Variants in CLCN5 observed in about 807,000 individuals in gnomAD.
The protein encoded by CLCN5 is Cl-/H+ antiporter 5.
A neutral mutation model predicts 54.0 loss-of-function variants in CLCN5; 17 were observed. That is an observed-to-expected ratio of 0.31 (90% CI 0.22 to 0.47). CLCN5 has a LOEUF of 0.47. Among genes scored for constraint, CLCN5 ranks in the 20% least tolerant of loss-of-function variants. CLCN5 has a pLI of 1.00. For synonymous variants in CLCN5, 222 were observed against 233.0 expected (o/e 0.95, Z 0.43); for missense variants, 448 against 646.7 (o/e 0.69, Z 3.33).
At chrX:49,980,101 A>G (rs1317429719) in intron 3 of CLCN5, among the ~76,000 whole-genome samples, 1 of 111,333 alleles carries the variant, frequency 9.0e-6, no homozygotes, top group African/African-American at 3.3e-5. Context: ...TATACCTATG[A>G]TTATTGGAAT....
intron 3 of CLCN5, among the ~76,000 whole-genome samples, chrX:50,002,993 A>C (rs1391663467): frequency 8.9e-6 from 1 of 111,996 alleles, no homozygotes; most frequent in Non-Finnish European, 1.9e-5. Context: ...AGAAGGAAGG[A>C]AAACAAATAT....
chrX:49,943,005 G>C (rs1414947000), intron 3 of CLCN5, among the ~76,000 whole-genome samples: 1 of 104,283 alleles, frequency 9.6e-6, no homozygotes, highest in Non-Finnish European at 2.0e-5. Context: ...GGTTGAACTA[G>C]TTTACAGTCC....
intron 4 of CLCN5, among the ~76,000 whole-genome samples, chrX:50,045,581 C>T (rs782160344): frequency 2.7e-5 from 3 of 112,463 alleles, no homozygotes; most frequent in Non-Finnish European, 5.6e-5. Context: ...ATGTATTATT[C>T]TCATTTCATA....
intron 4 of CLCN5, among the ~76,000 whole-genome samples, chrX:50,058,599 C>T (rs955437601): frequency 9.0e-6 from 1 of 110,932 alleles, no homozygotes; most frequent in African/African-American, 3.3e-5. Context: ...TCTTTAGATC[C>T]GAGTATAACC....
chrX:50,002,719 T>G (rs1428980915), intron 3 of CLCN5, among the ~76,000 whole-genome samples: 5 of 101,589 alleles, frequency 4.9e-5, no homozygotes, highest in Non-Finnish European at 8.0e-5. Context: ...GTGTGTGTGG[T>G]GTGTGTGTGG....
intron 3 of CLCN5, among the ~76,000 whole-genome samples, chrX:50,008,088 C>A (rs60346275): frequency 0.061 from 6,810 of 111,871 alleles, 551 homozygotes; most frequent in African/African-American, 0.21. Flanking sequence ...GTATATTACC[C>A]AGGTCTTCAG....
intron 4 of CLCN5, chrX:50,067,854 C>G (rs1933088748): frequency 3.0e-6 from 1 of 328,784 alleles, no homozygotes; most frequent in East Asian, 2.2e-4. Flanking sequence ...GGATTCTAAT[C>G]ACTGCCTGCT....
At chrX:49,989,477 T>C (rs781815318) in intron 3 of CLCN5, among the ~76,000 whole-genome samples, 1 of 112,345 alleles carries the variant, frequency 8.9e-6, no homozygotes, top group Non-Finnish European at 1.9e-5. Flanking sequence ...ATGAATCTTC[T>C]ATCCAAATAA....
chrX:50,085,921 A>G (rs900323887), intron 9 of CLCN5, 59 bp from the exon 10 acceptor site: 2 of 896,774 alleles, frequency 2.2e-6, no homozygotes, highest in Non-Finnish European at 3.3e-6. Flanking sequence ...TAAAAATGTG[A>G]TTGAGTGATT....
In CLCN5 at chrX:50,064,466, C is replaced by G. The variant is rs1372540257; in HGVS notation, c.164-5413C>G. Among the ~76,000 whole-genome samples the G allele has an allele frequency of 2.6e-4, 21 of 80,068 alleles. 1 individual carries two copies. The South Asian group carries it at 0.016, about 62-fold the overall frequency. The allele number at this position is 80,068 out of a possible 115,157, so 69.5% of individuals were successfully genotyped here. A position where few individuals can be genotyped will look rare whatever the true frequency, so the allele number is the denominator to read the frequency against. On this transcript the variant is annotated intron_variant, in intron 4 of 14. Coordinates refer to ENST00000376091, the MANE Select transcript of CLCN5 (RefSeq NM_001127898.4). The stretch of plus-strand genomic sequence containing the variant: ...TCCAACTTACAAGGGATGTGAAGGA[C>G]CTCTTCAAGGAGAACTACAAACCAC...
At chrX:49,924,698 ACT>A (rs1557167728) in intron 2 of CLCN5, among the ~76,000 whole-genome samples, 1 of 111,341 alleles carries the variant, frequency 9.0e-6, no homozygotes, top group East Asian at 2.8e-4. Context: ...GGGTATCATC[ACT>A]CTTCACTTTT....
At chrX:50,082,473 C>G (rs1933739333) in intron 9 of CLCN5, among the ~76,000 whole-genome samples, 1 of 109,800 alleles carries the variant, frequency 9.1e-6, no homozygotes, top group Admixed American at 9.8e-5. Context: ...CCACCAAACC[C>G]AGCTAATTTT....
intron 3 of CLCN5, among the ~76,000 whole-genome samples, chrX:49,980,676 G>C (rs1462716681): frequency 9.0e-6 from 1 of 111,554 alleles, no homozygotes. Context: ...TTCATCTAGA[G>C]CCAATAGAGT....
At chrX:50,008,524 G>C (rs1292807043) in intron 3 of CLCN5, 1 of 345,550 alleles carries the variant, frequency 2.9e-6, no homozygotes, top group East Asian at 7.9e-5. Flanking sequence ...CTTCATCTTC[G>C]TGTAGGACAG....
Position 49,954,871 on chromosome X carries a change from C to A in CLCN5, c.16+29557C>A, listed in dbSNP as rs782659385. Among the ~76,000 whole-genome samples, 67 of 111,774 alleles carry A rather than the reference C, an allele frequency of 6.0e-4. 1 individual carries two copies. The highest frequency in any genetic ancestry group is 2.8e-4 in the Admixed American group (3 of 10,557). ...CATTTCCTTTGGGATAAGATGAGAT[C>A]AAAAAACTAACTTTTCCCCCAAATG... On this transcript the variant is annotated intron_variant, in intron 3 of 14. Transcript: ENST00000376091.
rs1172378726 is a variant in CLCN5 at position 50,088,739 on chromosome X, T to G, written c.1599T>G (p.Ala533=). ...GLFIPSMAVG[A]IAGRLLGVGM... is the part of the protein sequence containing the mutation. The stretch of plus-strand genomic sequence containing the variant: ...TTATCCCTAGCATGGCTGTTGGTGC[T>G]ATAGCAGGTCGACTTCTAGGAGTAG... The change falls in exon 12 of 15, where the codon GCT becomes GCG. Residue 533 remains alanine, a synonymous_variant. Transcript: ENST00000376091. The G allele has an allele frequency of 6.6e-6, 8 of 1,210,199 alleles. No homozygotes were observed. In the Middle Eastern group the frequency reaches 9.1e-4, roughly 138 times the overall value.
intron 3 of CLCN5, among the ~76,000 whole-genome samples, chrX:49,993,599 A>T (rs1221052533): frequency 3.6e-5 from 4 of 112,579 alleles, no homozygotes; most frequent in African/African-American, 1.3e-4. Flanking sequence ...TAGCATTGTG[A>T]AGGAGGGTCT....
intron 3 of CLCN5, among the ~76,000 whole-genome samples, chrX:49,938,063 C>G (rs782573164): frequency 9.0e-6 from 1 of 111,518 alleles, no homozygotes; most frequent in Non-Finnish European, 1.9e-5. Flanking sequence ...TTCCTTCACC[C>G]AGTTGTGGAT....
chrX:50,048,157 T>C (rs1440453835), intron 4 of CLCN5, among the ~76,000 whole-genome samples: 2 of 112,040 alleles, frequency 1.8e-5, no homozygotes, highest in Admixed American at 9.5e-5. Context: ...AGGCATTAGT[T>C]AGATTCTCAT....
Sources: gnomAD v4.1 joint callset for allele counts (sites outside exome capture counted in the v4.1 genomes callset) on GRCh38, gnomAD v4.1.1 for gene constraint, MANE v1.5 for transcripts, NCBI Gene and HGNC (gene_info 2026-07-23, HGNC 2026-07-21) for gene names.